DENND4A: variants seen among roughly 807,000 people sequenced by gnomAD.
The protein encoded by DENND4A is C-myc promoter-binding protein.
DENND4A carries 70 observed loss-of-function variants against 199.3 expected under a neutral mutation model. The observed-to-expected ratio is 0.35, with a 90% CI of 0.29 to 0.43. The LOEUF (loss-of-function observed/expected upper bound fraction) is 0.43. DENND4A is among the 20% of genes least tolerant of loss of function. The pLI, the probability that DENND4A is intolerant of heterozygous loss-of-function variation, is 1.00. For synonymous variants in DENND4A, 686 were observed against 766.9 expected, an observed-to-expected ratio of 0.89 and a Z score of 1.74; for missense variants, 1,723 against 2,255.8, an observed-to-expected ratio of 0.76 and a Z score of 4.78.
intron 3 of DENND4A, among the ~76,000 whole-genome samples, chr15:65,753,055 C>T (rs1046226630): frequency 2.8e-4 from 43 of 152,194 alleles, no homozygotes; most frequent in African/African-American, 1.0e-3. Flanking sequence ...ATCTCCAATA[C>T]TTTCCTTAGC....
chr15:65,788,066 G>A (rs1034824916), intron 1 of DENND4A, among the ~76,000 whole-genome samples: 10 of 151,742 alleles, frequency 6.6e-5, no homozygotes, highest in Non-Finnish European at 1.5e-5. Context: ...GTTAGTGCTG[G>A]TTATTTATTT....
At chr15:65,713,681 A>AT (rs1184550608) in intron 14 of DENND4A, among the ~76,000 whole-genome samples, 1 of 152,212 alleles carries the variant, frequency 6.6e-6, no homozygotes, top group Non-Finnish European at 1.5e-5. Flanking sequence ...TGCCTGTGGA[A>AT]ATCCCTTCAA....
At chr15:65,755,853 A>C (rs998770269) in intron 3 of DENND4A, among the ~76,000 whole-genome samples, 3 of 152,206 alleles carry the variant, frequency 2.0e-5, no homozygotes, top group African/African-American at 7.2e-5. Context: ...AAAATTTTCC[A>C]ATCAGGATAA....
Position 65,702,956 on chromosome 15 carries a change from A to C in DENND4A, c.2140T>G (p.Phe714Val), listed in dbSNP as rs764093878. 1 of 1,613,270 alleles carries C rather than the reference A, an allele frequency of 6.2e-7. No individual in the cohort carries two copies. The highest frequency in any genetic ancestry group is 8.5e-7 in the Non-Finnish European group (1 of 1,179,504). Residue 714 changes from phenylalanine to valine, a missense_variant, in exon 16 of 33, where the codon TTT becomes GTT. This residue lies in a region of DENND4A where 725 missense variants were observed against 952.9 expected (regional missense o/e 0.76). Transcript: ENST00000443035. ...RNNLFERPEGFLQAKKNKLPS... is the reference protein window; with the variant it reads ...RNNLFERPEGVLQAKKNKLPS... Reference sequence around the variant, plus strand: ...AATTTGTTCTTCTTTGCTTGTAGAAATCCTTCAGGTCTTTCAAATAAATTG... The same window carrying C: ...AATTTGTTCTTCTTTGCTTGTAGAACTCCTTCAGGTCTTTCAAATAAATTG...
intron 11 of DENND4A, 112 bp from the exon 12 acceptor site, chr15:65,723,060 T>C: frequency 1.2e-6 from 1 of 818,292 alleles, no homozygotes; most frequent in East Asian, 3.2e-5. Context: ...GAATGAAAAA[T>C]GAAAAACAAA....
intron 4 of DENND4A, among the ~76,000 whole-genome samples, chr15:65,748,920 G>A (rs1242774685): frequency 1.3e-5 from 2 of 150,702 alleles, no homozygotes; most frequent in Non-Finnish European, 2.9e-5. Context: ...TTGAGCCCAA[G>A]AGGTCGAGGC....
At chr15:65,710,342 A>G (rs1793828883) in intron 14 of DENND4A, among the ~76,000 whole-genome samples, 1 of 152,216 alleles carries the variant, frequency 6.6e-6, no homozygotes, top group Admixed American at 6.5e-5. Flanking sequence ...CAACCAATTC[A>G]GTGTTCTCAT....
intron 24 of DENND4A, among the ~76,000 whole-genome samples, chr15:65,675,781 T>G (rs983578929): frequency 2.0e-5 from 3 of 152,164 alleles, no homozygotes; most frequent in Non-Finnish European, 4.4e-5. Flanking sequence ...TCTCATATAC[T>G]GGCAGTGGGA....
At chr15:65,676,333 A>G in intron 24 of DENND4A, 112 bp downstream of exon 24, 1 of 996,640 alleles carries the variant, frequency 1.0e-6, no homozygotes, top group Non-Finnish European at 1.4e-6. Context: ...AACTATACAA[A>G]TTGTTTACAA....
intron 11 of DENND4A, among the ~76,000 whole-genome samples, chr15:65,724,798 T>A (rs2075755456): frequency 6.6e-6 from 1 of 152,212 alleles, no homozygotes; most frequent in South Asian, 2.1e-4. Context: ...AGAAACACTT[T>A]TTAAAATTAT....
intron 1 of DENND4A, among the ~76,000 whole-genome samples, chr15:65,780,829 C>T (rs2077417299): frequency 6.6e-6 from 1 of 152,180 alleles, no homozygotes; most frequent in African/African-American, 2.4e-5. Context: ...CACAGTCAAA[C>T]AGCAAAGTCA....
chr15:65,741,766 A>G lies in DENND4A; in HGVS notation c.580T>C (p.Leu194=), dbSNP rs548096994. ...NNSMWGSAVY[L]CYKKSVAKTN... ...TTTGCCACCGATTTTTTATAACACAAGTATACTGCTGATCCCCACTGGATT... is the reference window on the plus strand; with the variant it reads ...TTTGCCACCGATTTTTTATAACACAGGTATACTGCTGATCCCCACTGGATT... The change falls in exon 5 of 33, where the codon TTG becomes CTG. Residue 194 remains leucine (L), a synonymous_variant. Transcript: ENST00000443035. 31 of 1,612,338 alleles carry G rather than the reference A, an allele frequency of 1.9e-5. No individual in the cohort carries two copies. The East Asian group carries it at 6.5e-4, about 34-fold the overall frequency.
At chr15:65,700,494 CTA>C (rs991404519) in intron 20 of DENND4A, 48 bp downstream of exon 20, 1 of 1,206,650 alleles carries the variant, frequency 8.3e-7, no homozygotes, top group Non-Finnish European at 1.1e-6. Context: ...GCTAGCAAAT[CTA>C]GTTTTAAAAA....
chr15:65,706,040 A>G, intron 15 of DENND4A, 51 bp downstream of exon 15: 1 of 1,445,670 alleles, frequency 6.9e-7, no homozygotes, highest in Non-Finnish European at 9.1e-7. Context: ...TACGTCACAG[A>G]TGATGGATTG....
chr15:65,772,706 CAAAAAAAAAAAAAAAA>C (rs34181353), intron 1 of DENND4A, among the ~76,000 whole-genome samples: 4 of 33,568 alleles, frequency 1.2e-4, no homozygotes, highest in African/African-American at 1.2e-4. Flanking sequence ...GACTCCGTCT[CAAAAAAAAAAAAAAAA>C]AAAAAAAAAA....
intron 1 of DENND4A, chr15:65,771,905 G>C (rs1415077296): frequency 6.2e-7 from 1 of 1,611,524 alleles, no homozygotes; most frequent in African/African-American, 1.3e-5. Flanking sequence ...TTTTTGTCTG[G>C]ATGAAACTTC....
chr15:65,738,755 G>C lies in DENND4A; in HGVS notation c.752C>G (p.Pro251Arg), dbSNP rs1399841177. 6.2e-7 allele frequency: 1 copy of C among 1,612,736 alleles called. No homozygotes were observed. Among genetic ancestry groups the C allele is most frequent in the East Asian group, 2.2e-5 (1 of 44,740 alleles). ...AACAAAAGTAGAAAATACAGGCAGAGGGTATTTGCTATTTGATGGCCAACA... is the reference window on the plus strand; with the variant it reads ...AACAAAAGTAGAAAATACAGGCAGACGGTATTTGCTATTTGATGGCCAACA... Reference protein sequence around the residue: ...IECWPSNSKYPLPVFSTFVLT... With the variant: ...IECWPSNSKYRLPVFSTFVLT... Residue 251 changes from proline (P) to arginine (R), a missense_variant, in exon 6 of 33, where the codon CCT (proline) becomes CGT (arginine). Coordinates refer to ENST00000443035, the MANE Select transcript of DENND4A (RefSeq NM_001320835.1).
chr15:65,746,369 C>CTCTCTTT (rs2076392238), intron 4 of DENND4A, among the ~76,000 whole-genome samples: 9 of 51,304 alleles, frequency 1.8e-4, no homozygotes, highest in African/African-American at 4.9e-4. Flanking sequence ...ACTTTTTTCT[C>CTCTCTTT]TTTTTTTTTT....
chr15:65,764,007 T>C lies in DENND4A; in HGVS notation c.-101-2569A>G, dbSNP rs540077675. 9.8e-5 allele frequency among the ~76,000 whole-genome samples: 15 copies of C among 152,370 alleles called. No homozygotes were observed. In the East Asian group the frequency reaches 2.7e-3, roughly 27 times the overall value. ...AAAAATTTCTAGTAAAAATACTGTA[T>C]GTATATAGAAATACTTGTAAATTTT... On this transcript the variant is annotated intron_variant, in intron 1 of 32. Transcript: ENST00000443035.
Sources: gnomAD v4.1 joint callset for allele counts (sites outside exome capture counted in the v4.1 genomes callset) on GRCh38, gnomAD v4.1.1 for gene constraint, gnomAD v4.1.1 regional missense constraint, MANE v1.5 for transcripts, NCBI Gene and HGNC (gene_info 2026-07-23, HGNC 2026-07-21) for gene names.